SLCO1C1: variants seen among roughly 807,000 people sequenced by gnomAD.
The protein encoded by SLCO1C1 is OAT-RP-5.
Under a neutral mutation model 76.4 loss-of-function variants are expected in SLCO1C1, and 70 were observed. That is an observed-to-expected ratio of 0.92 (90% CI 0.76 to 1.12). SLCO1C1 has a LOEUF of 1.12. Ranked by LOEUF, SLCO1C1 falls within the 50% of genes most tolerant of loss-of-function variation. The probability of loss-of-function intolerance (pLI) is 0.00; values close to 1 mark genes in which losing one functional copy is unlikely to be tolerated. For synonymous variants in SLCO1C1, 306 were observed against 286.1 expected, an observed-to-expected ratio of 1.07 and a Z score of -0.70; for missense variants, 912 against 823.8, an observed-to-expected ratio of 1.11 and a Z score of -1.31.
intron 10 of SLCO1C1, 79 bp from the exon 11 acceptor site, chr12:20,737,028 C>G (rs1454982316): frequency 3.9e-6 from 5 of 1,278,026 alleles, no homozygotes; most frequent in Non-Finnish European, 5.1e-6. Context: ...TTATATCACT[C>G]AAGAACATTG....
intron 13 of SLCO1C1, 62 bp downstream of exon 13, chr12:20,743,431 T>G: frequency 7.4e-7 from 1 of 1,343,532 alleles, no homozygotes; most frequent in Non-Finnish European, 1.1e-6. Context: ...AAGACTTTTC[T>G]AAATATTTTT....
chr12:20,752,352 C>T lies in SLCO1C1; in HGVS notation c.1963C>T (p.Leu655Phe). The change falls in exon 15 of 15, where the codon CTC (leucine) becomes TTC (phenylalanine). Residue 655 changes from leucine to phenylalanine, a missense_variant. Physicochemically the swap from Leu to Phe is conservative, Grantham distance 22. Coordinates refer to ENST00000266509, the MANE Select transcript of SLCO1C1 (RefSeq NM_017435.5). The stretch of plus-strand genomic sequence containing the variant: ...TGTGATACTGGGCACAGTGTCAATT[C>T]TCCTAAGCATTGCAGTACTTTTCAT... ...LTVILGTVSI[L>F]LSIAVLFILK... 1 of 1,612,678 alleles carries T rather than the reference C, an allele frequency of 6.2e-7. No homozygotes were observed. The highest frequency in any genetic ancestry group is 2.2e-5 in the East Asian group (1 of 44,806).
At chr12:20,718,189 C>G (rs1030589146) in intron 7 of SLCO1C1, among the ~76,000 whole-genome samples, 1 of 152,068 alleles carries the variant, frequency 6.6e-6, no homozygotes, top group Non-Finnish European at 1.5e-5. Context: ...ATGCGATGAG[C>G]AGTACAGAGG....
chr12:20,724,742 T>C (rs888898716), intron 9 of SLCO1C1, among the ~76,000 whole-genome samples: 26 of 148,076 alleles, frequency 1.8e-4, no homozygotes, highest in Middle Eastern at 3.6e-3. Flanking sequence ...CTATGTCATA[T>C]CTTATTACAT....
At chr12:20,743,970 A>G (rs1259910017) in intron 13 of SLCO1C1, among the ~76,000 whole-genome samples, 1 of 152,006 alleles carries the variant, frequency 6.6e-6, no homozygotes, top group African/African-American at 2.4e-5. Flanking sequence ...GAGTTTATAT[A>G]TTAAAAAATA....
chr12:20,710,309 G>A (rs1488087315), intron 4 of SLCO1C1, among the ~76,000 whole-genome samples: 7 of 144,262 alleles, frequency 4.9e-5, no homozygotes, highest in African/African-American at 7.8e-5. Context: ...CCGGGTTCAC[G>A]CCATTCTCCT....
intron 9 of SLCO1C1, among the ~76,000 whole-genome samples, chr12:20,725,027 A>G (rs1366426810): frequency 7.1e-6 from 1 of 140,832 alleles, no homozygotes; most frequent in African/African-American, 2.6e-5. Context: ...TATCTAACAT[A>G]TATTAATATG....
rs549088147 is a variant in SLCO1C1, at chr12:20,723,182, A to C, written c.1114A>C (p.Met372Leu). Residue 372 changes from methionine to leucine, a missense_variant, in exon 9 of 15, where the codon ATG (methionine) becomes CTG (leucine). Met to Leu is a conservative substitution (Grantham distance 15). Coordinates refer to ENST00000266509, the MANE Select transcript of SLCO1C1 (RefSeq NM_017435.5). Reference protein sequence around the residue: ...STVQFNSLFGMVTYKPKYIEQ... With the variant: ...STVQFNSLFGLVTYKPKYIEQ... ...TGTTCAGTTCAATTCTCTGTTCGGC[A>C]TGGTGACGTACAAACCAAAGTACAT... 3.1e-6 allele frequency: 5 copies of C among 1,614,164 alleles called. No individual in the cohort carries two copies. The South Asian group carries it at 5.5e-5, about 18-fold the overall frequency.
intron 12 of SLCO1C1, among the ~76,000 whole-genome samples, chr12:20,741,584 T>G (rs148834045): frequency 4.5e-4 from 69 of 152,262 alleles, no homozygotes; most frequent in African/African-American, 1.6e-3. Context: ...TCCTTCTTCC[T>G]GTATTTATAT....
chr12:20,743,008 T>A (rs1948890815), intron 12 of SLCO1C1, among the ~76,000 whole-genome samples: 1 of 152,202 alleles, frequency 6.6e-6, no homozygotes, highest in Admixed American at 6.5e-5. Flanking sequence ...TGAGTTTTAT[T>A]CTGAATCTTT....
chr12:20,734,172 A>G (rs1378167740), intron 10 of SLCO1C1, among the ~76,000 whole-genome samples: 1 of 152,002 alleles, frequency 6.6e-6, no homozygotes, highest in Non-Finnish European at 1.5e-5. Flanking sequence ...TCTTGTCTCT[A>G]TGTTCCAACT....
At position 20,737,109 on chromosome 12, in the gene SLCO1C1, C is replaced by G; in HGVS notation, c.1385C>G (p.Thr462Ser). The G allele has an allele frequency of 6.6e-7, 1 of 1,512,822 alleles. No individual in the cohort carries two copies. Among genetic ancestry groups the G allele is most frequent in the Non-Finnish European group, 8.8e-7 (1 of 1,138,292 alleles). 93.7% of individuals were successfully genotyped at this position (1,512,822 alleles called of 1,614,324 possible). A position where few individuals can be genotyped will look rare whatever the true frequency, so the allele number is the denominator to read the frequency against. ...TATATTGTTATATTTCTTTTCAGAA[C>G]CAAACCTGTCTCTTATCATGAACGA... ...VAGLTVSYQG[T>S]KPVSYHERAL... Residue 462 changes from threonine (T) to serine (S), a missense_variant and splice_region_variant, in exon 11 of 15, where the codon ACC becomes AGC. Thr to Ser is a moderately conservative substitution (Grantham distance 58). Transcript: ENST00000266509.
At chr12:20,697,764 G>A (rs1239425689) in intron 1 of SLCO1C1, among the ~76,000 whole-genome samples, 2 of 152,032 alleles carry the variant, frequency 1.3e-5, no homozygotes, top group Non-Finnish European at 2.9e-5. Flanking sequence ...TAGAGCAAGA[G>A]TTAATTTGGA....
chr12:20,728,182 A>G (rs77305841), intron 9 of SLCO1C1, among the ~76,000 whole-genome samples: 4,266 of 152,156 alleles, frequency 0.028, 203 homozygotes, highest in African/African-American at 0.097. Flanking sequence ...TGTTGAGTTA[A>G]TTTTTGTATA....
chr12:20,743,273 AT>A, intron 12 of SLCO1C1, 31 bp from the exon 13 acceptor site: 1 of 1,599,140 alleles, frequency 6.3e-7, no homozygotes, highest in Non-Finnish European at 8.6e-7. Context: ...TGGATTATAT[AT>A]TTCTTGTAAT....
At chr12:20,723,377 A>G in intron 9 of SLCO1C1, 123 bp downstream of exon 9, 1 of 1,142,324 alleles carries the variant, frequency 8.8e-7, no homozygotes, top group Non-Finnish European at 1.2e-6. Flanking sequence ...AGATGAGCTC[A>G]AAAAGTAACA....
intron 4 of SLCO1C1, among the ~76,000 whole-genome samples, chr12:20,710,648 G>T (rs555557060): frequency 6.6e-6 from 1 of 152,234 alleles, no homozygotes; most frequent in South Asian, 2.1e-4. Flanking sequence ...AAGTAACTTG[G>T]TGCTATGCTA....
intron 9 of SLCO1C1, among the ~76,000 whole-genome samples, chr12:20,725,086 TAAAATAA>T (rs1352595586): frequency 7.9e-6 from 1 of 126,060 alleles, no homozygotes; most frequent in African/African-American, 2.9e-5. Context: ...ATAAATTATA[TAAAATAA>T]TATATACAAC....
Position 20,752,574 on chromosome 12 carries a change from G to A in SLCO1C1, c.*46G>A. 2.8e-6 allele frequency: 4 copies of A among 1,440,644 alleles called. No individual in the cohort carries two copies. Among genetic ancestry groups the A allele is most frequent in the South Asian group, 1.4e-5 (1 of 70,778 alleles). The allele number at this position is 1,440,644 out of a possible 1,614,324, so 89.2% of individuals were successfully genotyped here. ...ATGTCTTCTAATTGGTTGACATTTT[G>A]CAAACAAATAAATTGTAATCAAAAG... On this transcript the variant is annotated 3_prime_UTR_variant, in exon 15 of 15. Coordinates refer to ENST00000266509, the MANE Select transcript of SLCO1C1 (RefSeq NM_017435.5).
Sources: gnomAD v4.1 joint callset for allele counts (sites outside exome capture counted in the v4.1 genomes callset) on GRCh38, gnomAD v4.1.1 for gene constraint, MANE v1.5 for transcripts, NCBI Gene and HGNC (gene_info 2026-07-23, HGNC 2026-07-21) for gene names.